Variants in COL24A1 observed in about 807,000 individuals in gnomAD.
The protein encoded by COL24A1 is collagen alpha-1(XXIV) chain.
Under a neutral mutation model 253.9 loss-of-function variants are expected in COL24A1, and 224 were observed. The ratio of observed to expected loss-of-function variants is 0.88; its 90% CI spans 0.79 to 0.99. The LOEUF (loss-of-function observed/expected upper bound fraction) is 0.99, where lower values mean the gene tolerates loss of function less well. Among genes scored for constraint, COL24A1 ranks in the 50% least tolerant of loss-of-function variants. The pLI is 0.00. For missense variants in COL24A1, 2,131 were observed against 2,068.5 expected, an observed-to-expected ratio of 1.03 and a Z score of -0.59; for synonymous variants, 685 against 673.7, an observed-to-expected ratio of 1.02 and a Z score of -0.26.
At chr1:85,873,863 A>C (rs1249923283) in intron 35 of COL24A1, among the ~76,000 whole-genome samples, 2 of 152,074 alleles carry the variant, frequency 1.3e-5, no homozygotes, top group Admixed American at 1.3e-4. Flanking sequence ...TACATTAATT[A>C]GTTGTCTTTT....
chr1:85,867,861 C>T (rs1195405113), intron 37 of COL24A1, among the ~76,000 whole-genome samples: 7 of 152,168 alleles, frequency 4.6e-5, no homozygotes, highest in African/African-American at 1.7e-4. Context: ...TCTCCTGCCT[C>T]AGCCTCCTGA....
chr1:86,139,351 T>C (rs1046212644), intron 2 of COL24A1, among the ~76,000 whole-genome samples: 1 of 152,138 alleles, frequency 6.6e-6, no homozygotes. Context: ...GGGAATATAG[T>C]ATATGCCTAA....
In COL24A1 at chr1:86,112,575, C is replaced by G; in HGVS notation, c.1591G>C (p.Gly531Arg). Residue 531 changes from glycine (G) to arginine (R), a missense_variant, in exon 5 of 60, where the codon GGT becomes CGT. By Grantham distance (125) the Gly-to-Arg change is moderately radical (BLOSUM62 -2). Coordinates refer to ENST00000370571, the MANE Select transcript of COL24A1 (RefSeq NM_152890.7). The part of the protein sequence containing the change: ...HGNPGLPGLP[G>R]PKGPKGDPGF... ...GATTAGTAGTCACTTACCTTTGGACCAGGTAATCCAGGTAAACCAGGATTT... is the reference window on the plus strand; with the variant it reads ...GATTAGTAGTCACTTACCTTTGGACGAGGTAATCCAGGTAAACCAGGATTT... 1 of 1,612,810 alleles carries G rather than the reference C, an allele frequency of 6.2e-7. No individual in the cohort carries two copies. Among genetic ancestry groups the G allele is most frequent in the Non-Finnish European group, 8.5e-7 (1 of 1,179,170 alleles).
At chr1:86,156,305 C>T (rs565873627) in intron 1 of COL24A1, 36 bp downstream of exon 1, 1 of 1,598,890 alleles carries the variant, frequency 6.3e-7, no homozygotes, top group South Asian at 1.1e-5. Flanking sequence ...AGGGGTTGGT[C>T]TAACCCCTAC....
chr1:85,845,330 T>C (rs1677048163), intron 39 of COL24A1, among the ~76,000 whole-genome samples: 1 of 151,830 alleles, frequency 6.6e-6, no homozygotes, highest in Admixed American at 6.6e-5. Flanking sequence ...TATGGGATTA[T>C]CTAAAAAAAT....
chr1:85,818,629 T>C (rs570251126), intron 45 of COL24A1, among the ~76,000 whole-genome samples: 1 of 152,340 alleles, frequency 6.6e-6, no homozygotes, highest in Admixed American at 6.5e-5. Context: ...GAACTGTTTG[T>C]TTTTCCATGT....
intron 59 of COL24A1, among the ~76,000 whole-genome samples, chr1:85,732,234 CTTT>C (rs747341554): frequency 1.4e-5 from 2 of 145,962 alleles, no homozygotes; most frequent in African/African-American, 2.5e-5. Context: ...CTTTTCTTTT[CTTT>C]TTTTTTTTTT....
At chr1:86,020,702 A>T (rs891492095) in intron 18 of COL24A1, among the ~76,000 whole-genome samples, 3 of 152,160 alleles carry the variant, frequency 2.0e-5, no homozygotes, top group Admixed American at 2.0e-4. Context: ...GCGCTAGAAA[A>T]ATGTCACATT....
intron 37 of COL24A1, among the ~76,000 whole-genome samples, chr1:85,856,772 T>C (rs1678483351): frequency 6.6e-6 from 1 of 152,198 alleles, no homozygotes; most frequent in African/African-American, 2.4e-5. Flanking sequence ...GGAGTTTGCC[T>C]GTTCAGCCTC....
chr1:86,071,803 A>T (rs1247284122), intron 7 of COL24A1, among the ~76,000 whole-genome samples: 1 of 152,096 alleles, frequency 6.6e-6, no homozygotes, highest in East Asian at 1.9e-4. Context: ...AGACTTCAAT[A>T]CCTCCACTTT....
At chr1:86,014,531 C>G (rs1005980328) in intron 19 of COL24A1, among the ~76,000 whole-genome samples, 3 of 152,082 alleles carry the variant, frequency 2.0e-5, no homozygotes, top group Non-Finnish European at 4.4e-5. Context: ...TTTTCTATTT[C>G]TCCTAAAGGC....
At chr1:85,761,792 T>G (rs1313410435) in intron 53 of COL24A1, among the ~76,000 whole-genome samples, 1 of 152,220 alleles carries the variant, frequency 6.6e-6, no homozygotes, top group Admixed American at 6.5e-5. Context: ...TATTAGAAAC[T>G]GAATTTACTC....
intron 24 of COL24A1, among the ~76,000 whole-genome samples, chr1:85,924,816 G>T (rs1180209827): frequency 3.9e-5 from 6 of 152,146 alleles, no homozygotes; most frequent in African/African-American, 1.4e-4. Context: ...TGGAAGTTCT[G>T]GTCAGGGCAA....
intron 53 of COL24A1, among the ~76,000 whole-genome samples, chr1:85,768,375 T>C (rs1361845402): frequency 1.3e-5 from 2 of 152,068 alleles, no homozygotes; most frequent in African/African-American, 4.8e-5. Flanking sequence ...TTTAATAATA[T>C]CACTCTATTT....
intron 23 of COL24A1, among the ~76,000 whole-genome samples, chr1:85,962,589 G>A (rs944000855): frequency 2.6e-5 from 4 of 152,078 alleles, no homozygotes; most frequent in Admixed American, 2.6e-4. Context: ...CTGTAAGTGG[G>A]GCCCTGAAAA....
intron 5 of COL24A1, among the ~76,000 whole-genome samples, chr1:86,110,931 C>T (rs1018829028): frequency 2.0e-5 from 3 of 152,182 alleles, no homozygotes; most frequent in East Asian, 3.9e-4. Flanking sequence ...TGAGGAGTGC[C>T]GGCAAGTGGA....
intron 24 of COL24A1, among the ~76,000 whole-genome samples, chr1:85,915,952 G>T (rs1685857570): frequency 6.6e-6 from 1 of 152,068 alleles, no homozygotes. Context: ...ATGATCTAGG[G>T]GAGTGAATGC....
chr1:85,783,073 C>G (rs1013153742), intron 51 of COL24A1, among the ~76,000 whole-genome samples: 38 of 152,104 alleles, frequency 2.5e-4, no homozygotes, highest in Non-Finnish European at 1.3e-4. Flanking sequence ...TGCCCCTGAG[C>G]TGGGAAAACA....
At position 85,874,666 on chromosome 1, in the gene COL24A1, C is replaced by T; in HGVS notation, c.3121G>A (p.Gly1041Arg). 5.6e-6 allele frequency: 9 copies of T among 1,612,494 alleles called. No homozygotes were observed. Among genetic ancestry groups the T allele is most frequent in the Non-Finnish European group, 7.6e-6 (9 of 1,179,924 alleles). The stretch of plus-strand genomic sequence containing the variant: ...GCACTCACCCGTAAACCTGGTTCCC[C>T]AGTTCCTCCAACACTGCCAGCAGTT... Reference protein sequence around the residue: ...VGTAGSVGGTGEPGLRGEPGA... With the variant: ...VGTAGSVGGTREPGLRGEPGA... The change falls in exon 35 of 60, where the codon GGG (glycine) becomes AGG (arginine). Residue 1041 changes from glycine to arginine, a missense_variant. Physicochemically the swap from Gly to Arg is moderately radical, Grantham distance 125. Transcript: ENST00000370571.
Sources: gnomAD v4.1 joint callset for allele counts (sites outside exome capture counted in the v4.1 genomes callset) on GRCh38, gnomAD v4.1.1 for gene constraint, MANE v1.5 for transcripts, NCBI Gene and HGNC (gene_info 2026-07-23, HGNC 2026-07-21) for gene names.